Variants in ZNF385B observed in about 807,000 individuals in gnomAD.
The protein encoded by ZNF385B is zinc finger protein 385B.
Under a neutral mutation model 39.2 loss-of-function variants are expected in ZNF385B, and 23 were observed. That is an observed-to-expected ratio of 0.59 (90% CI 0.42 to 0.83). The LOEUF is 0.83. Among genes scored for constraint, ZNF385B ranks in the 40% least tolerant of loss-of-function variants. ZNF385B has a pLI of 0.00. For missense variants in ZNF385B, 552 were observed against 598.9 expected (o/e 0.92, Z 0.82); for synonymous variants, 205 against 222.6 (o/e 0.92, Z 0.70).
At chr2:179,781,750 T>G (rs1437065382) in intron 1 of ZNF385B, among the ~76,000 whole-genome samples, 1 of 152,106 alleles carries the variant, frequency 6.6e-6, no homozygotes, top group Non-Finnish European at 1.5e-5. Flanking sequence ...CCTGGACACA[T>G]TCATCCTGCC....
chr2:179,478,589 C>T (rs747318730), intron 6 of ZNF385B, among the ~76,000 whole-genome samples: 2 of 152,126 alleles, frequency 1.3e-5, no homozygotes, highest in African/African-American at 4.8e-5. Flanking sequence ...TGTGGCATTT[C>T]GAATCATTCT....
chr2:179,614,331 CCT>C (rs1403299891), intron 3 of ZNF385B, among the ~76,000 whole-genome samples: 1 of 152,114 alleles, frequency 6.6e-6, no homozygotes, highest in Non-Finnish European at 1.5e-5. Flanking sequence ...TGTTCTATCC[CCT>C]GAATCTACAA....
intron 3 of ZNF385B, among the ~76,000 whole-genome samples, chr2:179,667,082 T>C (rs921616542): frequency 6.6e-6 from 1 of 152,216 alleles, no homozygotes; most frequent in Non-Finnish European, 1.5e-5. Context: ...TTTGGTGGCA[T>C]AATACAATTG....
intron 3 of ZNF385B, among the ~76,000 whole-genome samples, chr2:179,580,675 G>A (rs1686398162): frequency 6.6e-6 from 1 of 152,178 alleles, no homozygotes; most frequent in Non-Finnish European, 1.5e-5. Flanking sequence ...GGGGGCATCT[G>A]CAAGCCAGGA....
At chr2:179,496,112 T>C (rs2056174843) in intron 5 of ZNF385B, among the ~76,000 whole-genome samples, 1 of 152,022 alleles carries the variant, frequency 6.6e-6, no homozygotes, top group African/African-American at 2.4e-5. Flanking sequence ...AGAATTATAT[T>C]AGATAAATTT....
At chr2:179,471,015 A>G (rs1290165672) in intron 6 of ZNF385B, among the ~76,000 whole-genome samples, 3 of 152,202 alleles carry the variant, frequency 2.0e-5, no homozygotes, top group South Asian at 4.1e-4. Flanking sequence ...TGTCATACAT[A>G]GCTCCAAAAA....
At position 179,558,202 on chromosome 2, in the gene ZNF385B, C is replaced by T. The variant is rs903346987; in HGVS notation, c.299-13233G>A. ...CTCTGGCTCTGTCTTTAGGCCTCTCCTCTGCAGTTCACACTAAGAGCCAGG... is the reference window on the plus strand; with the variant it reads ...CTCTGGCTCTGTCTTTAGGCCTCTCTTCTGCAGTTCACACTAAGAGCCAGG... On this transcript the variant is annotated intron_variant, in intron 3 of 9. Transcript: ENST00000410066. 7.9e-5 allele frequency among the ~76,000 whole-genome samples: 12 copies of T among 152,150 alleles called. 1 individual carries two copies. The highest frequency in any genetic ancestry group is 3.3e-4 in the Admixed American group (5 of 15,264).
intron 4 of ZNF385B, among the ~76,000 whole-genome samples, chr2:179,530,429 A>G (rs2059184493): frequency 6.6e-6 from 1 of 152,196 alleles, no homozygotes; most frequent in African/African-American, 2.4e-5. Flanking sequence ...GAGCTCAAAA[A>G]TATGTTACAA....
rs534549944 is a variant in ZNF385B, at chr2:179,738,170, C to T, written c.298+31333G>A. On this transcript the variant is annotated intron_variant, in intron 3 of 9. Transcript: ENST00000410066. Reference sequence around the variant, plus strand: ...CTTCAGACTGCTCTATTGGGAAGTTCTTTATATCAAGCAAAAATCTTTCTT... The same window carrying T: ...CTTCAGACTGCTCTATTGGGAAGTTTTTTATATCAAGCAAAAATCTTTCTT... Among the ~76,000 whole-genome samples, 7 of 152,292 alleles carry T rather than the reference C, an allele frequency of 4.6e-5. No homozygotes were observed. The South Asian group carries it at 1.5e-3, about 32-fold the overall frequency.
intron 1 of ZNF385B, among the ~76,000 whole-genome samples, chr2:179,854,508 C>G (rs929257967): frequency 6.6e-6 from 1 of 151,902 alleles, no homozygotes; most frequent in African/African-American, 2.4e-5. Context: ...TTGCACCAAC[C>G]TATTTCACAG....
chr2:179,622,680 T>C (rs1321117049), intron 3 of ZNF385B, among the ~76,000 whole-genome samples: 2 of 152,306 alleles, frequency 1.3e-5, no homozygotes, highest in South Asian at 4.1e-4. Context: ...TAATCACAAC[T>C]AGTTTGATAA....
chr2:179,485,169 A>G lies in ZNF385B; in HGVS notation c.553-1735T>C, dbSNP rs889066400. ...GAGATGACACAGAAAGGAAGGCAGC[A>G]GAAAGAATATATGATTCTTCTGGTA... On this transcript the variant is annotated intron_variant, in intron 5 of 9. Coordinates refer to ENST00000410066, the MANE Select transcript of ZNF385B (RefSeq NM_152520.6). Among the ~76,000 whole-genome samples the G allele has an allele frequency of 2.6e-5, 4 of 152,364 alleles. No individual in the cohort carries two copies. The South Asian group carries it at 8.3e-4, about 32-fold the overall frequency.
At chr2:179,489,688 A>C (rs1041303215) in intron 5 of ZNF385B, among the ~76,000 whole-genome samples, 1 of 152,206 alleles carries the variant, frequency 6.6e-6, no homozygotes, top group Non-Finnish European at 1.5e-5. Context: ...CTCAGAGACA[A>C]AGCTACAATA....
chr2:179,489,855 T>C (rs1234952783), intron 5 of ZNF385B, among the ~76,000 whole-genome samples: 1 of 152,246 alleles, frequency 6.6e-6, no homozygotes, highest in Non-Finnish European at 1.5e-5. Context: ...CTATTGGGAT[T>C]GTTGAAAACA....
intron 6 of ZNF385B, among the ~76,000 whole-genome samples, chr2:179,480,539 T>C (rs985083723): frequency 7.9e-5 from 12 of 152,178 alleles, no homozygotes; most frequent in African/African-American, 2.9e-4. Context: ...TAACAATACA[T>C]TAGGTATTAC....
At chr2:179,839,283 G>A (rs1329647340) in intron 1 of ZNF385B, among the ~76,000 whole-genome samples, 2 of 152,088 alleles carry the variant, frequency 1.3e-5, no homozygotes, top group East Asian at 3.9e-4. Context: ...CTAATCTCGA[G>A]GACCTTACCA....
chr2:179,823,321 G>T (rs1422025110), intron 1 of ZNF385B, among the ~76,000 whole-genome samples: 1 of 152,108 alleles, frequency 6.6e-6, no homozygotes, highest in African/African-American at 2.4e-5. Context: ...ATAAAAAGAT[G>T]AAAATGTTTG....
At chr2:179,716,993 C>A (rs1328714198) in intron 3 of ZNF385B, among the ~76,000 whole-genome samples, 1 of 152,150 alleles carries the variant, frequency 6.6e-6, no homozygotes, top group African/African-American at 2.4e-5. Flanking sequence ...TTGAATTTTT[C>A]TTGAATTACC....
intron 3 of ZNF385B, among the ~76,000 whole-genome samples, chr2:179,599,013 T>C (rs1688211436): frequency 6.6e-6 from 1 of 152,326 alleles, no homozygotes; most frequent in South Asian, 2.1e-4. Context: ...AGACATTTAT[T>C]GTGAAGAATT....
Sources: allele counts gnomAD v4.1 joint callset (sites outside exome capture counted in the v4.1 genomes callset), GRCh38; gene constraint gnomAD v4.1.1; transcripts MANE v1.5; gene names NCBI Gene and HGNC (gene_info 2026-07-23, HGNC 2026-07-21).